Variants in BRINP2 observed in about 807,000 individuals in gnomAD.
BRINP2 encodes the protein BMP/retinoic acid inducible neural specific 2, also known as BMP/retinoic acid-inducible neural-specific protein 2.
BRINP2 carries 21 observed loss-of-function variants against 69.2 expected under a neutral mutation model. That is an observed-to-expected ratio of 0.30 (90% confidence interval 0.22 to 0.44). The LOEUF (loss-of-function observed/expected upper bound fraction) is 0.44. Ranked by LOEUF, BRINP2 falls within the 20% of genes least tolerant of loss-of-function variation. BRINP2 has a pLI of 1.00. For missense variants in BRINP2, 877 were observed against 986.0 expected (o/e 0.89, Z 1.48); for synonymous variants, 380 against 394.1 (o/e 0.96, Z 0.42).
At chr1:177,173,823 A>C (rs938387913) in intron 1 of BRINP2, among the ~76,000 whole-genome samples, 5 of 152,018 alleles carry the variant, frequency 3.3e-5, no homozygotes, top group African/African-American at 1.2e-4. Flanking sequence ...TCCCTCCCCA[A>C]CTCACAAACA....
At chr1:177,270,273 T>G (rs1651271440) in intron 4 of BRINP2, among the ~76,000 whole-genome samples, 1 of 152,112 alleles carries the variant, frequency 6.6e-6, no homozygotes, top group Non-Finnish European at 1.5e-5. Flanking sequence ...GAGTGGGCCT[T>G]TCTCACTCTG....
chr1:177,194,192 G>T (rs1007856199), intron 1 of BRINP2, among the ~76,000 whole-genome samples: 2 of 152,228 alleles, frequency 1.3e-5, no homozygotes, highest in Admixed American at 6.5e-5. Context: ...ATATAGGAGA[G>T]ACTATGGGAG....
chr1:177,261,748 G>C (rs538476231), intron 4 of BRINP2, among the ~76,000 whole-genome samples: 5 of 152,186 alleles, frequency 3.3e-5, no homozygotes, highest in Non-Finnish European at 7.3e-5. Context: ...AGGAGTGAGT[G>C]CAACTAGGAA....
At chr1:177,278,506 C>G in intron 6 of BRINP2, 57 bp from the exon 7 acceptor site, 1 of 1,540,286 alleles carries the variant, frequency 6.5e-7, no homozygotes, top group African/African-American at 1.4e-5. Flanking sequence ...TCCACTTGCC[C>G]CTACCAGAGT....
At chr1:177,196,521 G>A (rs1035580642) in intron 1 of BRINP2, among the ~76,000 whole-genome samples, 3 of 152,088 alleles carry the variant, frequency 2.0e-5, no homozygotes, top group Non-Finnish European at 4.4e-5. Context: ...GGGAGGCTGA[G>A]GCAGGAGAAT....
chr1:177,204,505 G>A (rs1014207356), intron 1 of BRINP2, among the ~76,000 whole-genome samples: 1 of 151,996 alleles, frequency 6.6e-6, no homozygotes, highest in Non-Finnish European at 1.5e-5. Flanking sequence ...AGAGAGTGGG[G>A]CCAAGAAAGC....
In BRINP2 at chr1:177,230,139, T is replaced by C. The variant is rs1649823639; in HGVS notation, c.263T>C (p.Ile88Thr). Residue 88 changes from isoleucine to threonine, a missense_variant, in exon 2 of 8, where the codon ATT (isoleucine) becomes ACT (threonine). Physicochemically the swap from Ile to Thr is moderately conservative, Grantham distance 89. This residue lies in a region of BRINP2 where 566 missense variants were observed against 625.2 expected (regional missense o/e 0.91). Coordinates refer to ENST00000361539, the MANE Select transcript of BRINP2 (RefSeq NM_021165.4). Reference sequence around the variant, plus strand: ...CAGGGTTTCACCACCAGGTACAGGATTTATAGGTAAGTGGGGGCCTCCACT... The same window carrying C: ...CAGGGTTTCACCACCAGGTACAGGACTTATAGGTAAGTGGGGGCCTCCACT... ...YRQGFTTRYR[I>T]YREFARWKVN... 6.2e-7 allele frequency: 1 copy of C among 1,600,396 alleles called. No homozygotes were observed. Among genetic ancestry groups the C allele is most frequent in the Non-Finnish European group, 8.5e-7 (1 of 1,170,926 alleles).
At chr1:177,257,123 A>G (rs1477460502) in intron 3 of BRINP2, 53 bp from the exon 4 acceptor site, 1 of 1,604,692 alleles carries the variant, frequency 6.2e-7, no homozygotes, top group East Asian at 2.2e-5. Flanking sequence ...TCCTATTGGT[A>G]GGGGATTCGA....
At chr1:177,278,518 C>G in intron 6 of BRINP2, 45 bp from the exon 7 acceptor site, 2 of 1,589,696 alleles carry the variant, frequency 1.3e-6, no homozygotes, top group South Asian at 2.2e-5. Context: ...TACCAGAGTT[C>G]TGCATAGCTA....
intron 1 of BRINP2, among the ~76,000 whole-genome samples, chr1:177,195,060 T>C (rs1648703348): frequency 6.6e-6 from 1 of 152,212 alleles, no homozygotes; most frequent in Admixed American, 6.5e-5. Context: ...AAAAATGATA[T>C]GCTCACCACT....
chr1:177,192,410 G>A (rs551615002), intron 1 of BRINP2, among the ~76,000 whole-genome samples: 3 of 152,304 alleles, frequency 2.0e-5, no homozygotes, highest in Admixed American at 1.3e-4. Context: ...CAAAGGATTA[G>A]TCTAAGAAGG....
At chr1:177,187,081 C>T (rs1351668555) in intron 1 of BRINP2, among the ~76,000 whole-genome samples, 1 of 152,206 alleles carries the variant, frequency 6.6e-6, no homozygotes, top group East Asian at 1.9e-4. Context: ...CAAATGAGGT[C>T]TGGCTCTCCA....
intron 2 of BRINP2, among the ~76,000 whole-genome samples, chr1:177,232,878 C>A (rs1307794910): frequency 6.6e-6 from 1 of 151,978 alleles, no homozygotes; most frequent in Admixed American, 6.6e-5. Flanking sequence ...TTTAAGGAAG[C>A]TTTTGGGGCA....
chr1:177,243,818 T>G lies in BRINP2; in HGVS notation c.270-12101T>G, dbSNP rs533852249. Among the ~76,000 whole-genome samples the G allele has an allele frequency of 4.6e-5, 7 of 152,330 alleles. No individual in the cohort carries two copies. In the South Asian group the frequency reaches 1.5e-3, roughly 32 times the overall value. On this transcript the variant is annotated intron_variant, in intron 2 of 7. Coordinates refer to ENST00000361539, the MANE Select transcript of BRINP2 (RefSeq NM_021165.4). Reference sequence around the variant, plus strand: ...AGGACCAAGACTCCTACCTCATCACTGCCATTCCTTAGGGCCTCAGAGTCC... The same window carrying G: ...AGGACCAAGACTCCTACCTCATCACGGCCATTCCTTAGGGCCTCAGAGTCC...
rs772375919 is a variant in BRINP2, at chr1:177,269,861, G to A, written c.670-3627G>A. On this transcript the variant is annotated intron_variant, in intron 4 of 7. Transcript: ENST00000361539. ...GCTTTCTCAAGGCAGGATGGTCTCTGTCAACAGACCAATTAGCACACAATT... is the reference window on the plus strand; with the variant it reads ...GCTTTCTCAAGGCAGGATGGTCTCTATCAACAGACCAATTAGCACACAATT... 3.7e-4 allele frequency among the ~76,000 whole-genome samples: 56 copies of A among 152,288 alleles called. 1 individual carries two copies. The highest frequency in any genetic ancestry group is 1.6e-3 in the Admixed American group (25 of 15,292).
intron 1 of BRINP2, among the ~76,000 whole-genome samples, chr1:177,200,884 A>T (rs1225908107): frequency 6.6e-6 from 1 of 152,218 alleles, no homozygotes; most frequent in African/African-American, 2.4e-5. Context: ...GATAAAAATA[A>T]TATTTATAGT....
chr1:177,226,207 G>T (rs1649685234), intron 1 of BRINP2, among the ~76,000 whole-genome samples: 1 of 152,228 alleles, frequency 6.6e-6, no homozygotes, highest in Non-Finnish European at 1.5e-5. Context: ...GGAGATCAGT[G>T]CACCAAGGGG....
intron 1 of BRINP2, among the ~76,000 whole-genome samples, chr1:177,193,863 T>C (rs1205866646): frequency 2.0e-5 from 3 of 152,222 alleles, no homozygotes; most frequent in African/African-American, 4.8e-5. Flanking sequence ...AGCTATGATC[T>C]GTTTCAATCT....
intron 1 of BRINP2, among the ~76,000 whole-genome samples, chr1:177,212,094 T>C (rs1649239314): frequency 6.6e-6 from 1 of 151,564 alleles, no homozygotes; most frequent in Non-Finnish European, 1.5e-5. Context: ...GATAGATAGA[T>C]AGATAGATAG....
Sources: gnomAD v4.1 joint callset for allele counts (sites outside exome capture counted in the v4.1 genomes callset) on GRCh38, gnomAD v4.1.1 for gene constraint, gnomAD v4.1.1 regional missense constraint, MANE v1.5 for transcripts, NCBI Gene and HGNC (gene_info 2026-07-23, HGNC 2026-07-21) for gene names.